The following PLCG2 variants were observed in gnomAD, a reference collection of about 807,000 sequenced individuals.
PLCG2 encodes the protein 1-phosphatidylinositol 4,5-bisphosphate phosphodiesterase gamma-2.
A neutral mutation model predicts 175.6 loss-of-function variants in PLCG2; 69 were observed. That is an observed-to-expected ratio of 0.39 (90% CI 0.32 to 0.48). The LOEUF (loss-of-function observed/expected upper bound fraction) is 0.48. Ranked by LOEUF, PLCG2 falls within the 20% of genes least tolerant of loss-of-function variation. The probability of loss-of-function intolerance (pLI) is 0.91; values close to 1 mark genes in which losing one functional copy is unlikely to be tolerated. For synonymous variants in PLCG2, 827 were observed against 624.0 expected (o/e 1.33, Z -4.85); for missense variants, 1,798 against 1,650.9 (o/e 1.09, Z -1.54).
intron 2 of PLCG2, among the ~76,000 whole-genome samples, chr16:81,824,740 A>T (rs890667419): frequency 6.6e-5 from 10 of 151,990 alleles, no homozygotes; most frequent in Non-Finnish European, 1.5e-4. Context: ...CCATGATGTC[A>T]CCTTTCATTG....
At chr16:81,756,853 C>G (rs1220797533) in intron 2 of PLCG2, among the ~76,000 whole-genome samples, 2 of 152,274 alleles carry the variant, frequency 1.3e-5, no homozygotes, top group South Asian at 2.1e-4. Context: ...GCAGTTTGTT[C>G]CGAGTCTGAT....
At chr16:81,904,215 T>G (rs1051519882) in intron 14 of PLCG2, among the ~76,000 whole-genome samples, 6 of 152,186 alleles carry the variant, frequency 3.9e-5, no homozygotes, top group Non-Finnish European at 8.8e-5. Flanking sequence ...ACACTTATCT[T>G]TCACGTTCTT....
intron 9 of PLCG2, among the ~76,000 whole-genome samples, chr16:81,887,901 A>G (rs2143591276): frequency 6.6e-6 from 1 of 152,306 alleles, no homozygotes; most frequent in South Asian, 2.1e-4. Context: ...AATGTCTAGG[A>G]CTGTGCAGCA....
At chr16:81,826,817 G>A (rs531448474) in intron 2 of PLCG2, among the ~76,000 whole-genome samples, 4 of 152,314 alleles carry the variant, frequency 2.6e-5, no homozygotes, top group Non-Finnish European at 4.4e-5. Flanking sequence ...TGATTTTCTA[G>A]TATGACTCTC....
At chr16:81,938,377 CG>C (rs2143732695) in intron 28 of PLCG2, 1 of 192,206 alleles carries the variant, frequency 5.2e-6, no homozygotes, top group East Asian at 1.3e-4. Context: ...TAAGGGCGGG[CG>C]GGTGGTAGGG....
intron 2 of PLCG2, among the ~76,000 whole-genome samples, chr16:81,803,949 G>C (rs150772465): frequency 0.011 from 1,641 of 152,232 alleles, 15 homozygotes; most frequent in Middle Eastern, 0.034. Context: ...CCAGAGTGCT[G>C]GGATTACAGG....
At chr16:81,752,794 C>G (rs1421463804) in intron 1 of PLCG2, among the ~76,000 whole-genome samples, 2 of 152,236 alleles carry the variant, frequency 1.3e-5, no homozygotes, top group Non-Finnish European at 2.9e-5. Flanking sequence ...AAGCTCCAGC[C>G]TAGCACTGGG....
chr16:81,801,504 G>C (rs4508415), intron 2 of PLCG2, among the ~76,000 whole-genome samples: 42,716 of 151,960 alleles, frequency 0.28, 6,570 homozygotes, highest in East Asian at 0.69. Context: ...CAACAGTACA[G>C]CACGATAGAT....
At chr16:81,852,693 C>T (rs1050354918) in intron 2 of PLCG2, among the ~76,000 whole-genome samples, 8 of 152,146 alleles carry the variant, frequency 5.3e-5, no homozygotes, top group African/African-American at 1.9e-4. Flanking sequence ...CAAACTATCC[C>T]AGTGTTTAGT....
chr16:81,816,182 C>T (rs917196218), intron 2 of PLCG2, among the ~76,000 whole-genome samples: 1 of 152,090 alleles, frequency 6.6e-6, no homozygotes, highest in Non-Finnish European at 1.5e-5. Flanking sequence ...ACCAGCCTGG[C>T]CAATATGGTG....
At position 81,950,217 on chromosome 16, in the gene PLCG2, T is replaced by C. The variant is rs1911312559; in HGVS notation, c.3570+3954T>C. On this transcript the variant is annotated intron_variant, in intron 31 of 32. Coordinates refer to ENST00000564138, the MANE Select transcript of PLCG2 (RefSeq NM_002661.5). ...CCTGCAGTGTTTACAACAAGAGGCC[T>C]AAAGGCAAGGTAAATAAAACAAATA... Among the ~76,000 whole-genome samples the C allele has an allele frequency of 2.0e-5, 3 of 152,262 alleles. No homozygotes were observed. The South Asian group carries it at 6.2e-4, about 32-fold the overall frequency.
intron 2 of PLCG2, among the ~76,000 whole-genome samples, chr16:81,799,954 C>G (rs995448012): frequency 6.6e-6 from 1 of 152,208 alleles, no homozygotes; most frequent in Non-Finnish European, 1.5e-5. Context: ...ACCCCACATA[C>G]TCAAGAGCAA....
chr16:81,922,365 A>G (rs907354400), intron 21 of PLCG2, among the ~76,000 whole-genome samples: 3 of 152,230 alleles, frequency 2.0e-5, no homozygotes. Flanking sequence ...CAAAATGGGC[A>G]TACTCATATA....
chr16:81,806,310 T>C (rs1362180417), intron 2 of PLCG2, among the ~76,000 whole-genome samples: 2 of 152,100 alleles, frequency 1.3e-5, no homozygotes, highest in Non-Finnish European at 2.9e-5. Context: ...GCAGGTACTA[T>C]GATCATCATA....
Position 81,959,011 on chromosome 16 carries a change from C to A in PLCG2, c.*1013C>A, listed in dbSNP as rs1911682979. On this transcript the variant is annotated 3_prime_UTR_variant, in exon 33 of 33. Coordinates refer to ENST00000564138, the MANE Select transcript of PLCG2 (RefSeq NM_002661.5). Reference sequence around the variant, plus strand: ...TCCCTTGGGGCAGATCTACCTAGTTCATGACAGTATGTGCGGCTGGCCAGG... The same window carrying A: ...TCCCTTGGGGCAGATCTACCTAGTTAATGACAGTATGTGCGGCTGGCCAGG... 4.5e-6 allele frequency: 1 copy of A among 223,714 alleles called. No individual in the cohort carries two copies. The highest frequency in any genetic ancestry group is 8.9e-6 in the Non-Finnish European group (1 of 112,130). 13.9% of individuals were successfully genotyped at this position (223,714 alleles called of 1,614,324 possible). A position where few individuals can be genotyped will look rare whatever the true frequency, so the allele number is the denominator to read the frequency against.
At chr16:81,778,287 T>C (rs1197741608), upstream of PLCG2, among the ~76,000 whole-genome samples, 3 of 152,020 alleles carry the variant, frequency 2.0e-5, no homozygotes, top group African/African-American at 7.2e-5. Context: ...GGAGGATCGC[T>C]TGAGTCCCGG....
intron 2 of PLCG2, among the ~76,000 whole-genome samples, chr16:81,848,398 G>A (rs573270381): frequency 5.3e-5 from 8 of 152,176 alleles, no homozygotes; most frequent in African/African-American, 1.9e-4. Flanking sequence ...CCTTTGGAAG[G>A]GGGTGTGCGG....
intron 2 of PLCG2, among the ~76,000 whole-genome samples, chr16:81,797,541 C>G (rs906241961): frequency 6.6e-6 from 1 of 152,246 alleles, no homozygotes; most frequent in African/African-American, 2.4e-5. Flanking sequence ...CCTGTCTGTT[C>G]TGTTCATAAG....
In PLCG2 at chr16:81,951,041, A is replaced by C. The variant is rs116751708; in HGVS notation, c.3570+4778A>C. Among the ~76,000 whole-genome samples, 1,309 of 152,310 alleles carry C rather than the reference A, an allele frequency of 8.6e-3. 22 individuals carry two copies. The highest frequency in any genetic ancestry group is 0.03 in the African/African-American group (1,241 of 41,560). On this transcript the variant is annotated intron_variant, in intron 31 of 32. Transcript: ENST00000564138. ...TTTTTTCTGTCACCCAGCCTGGAAT[A>C]CAGTGGTGTGATCATGGCTCACTGC...
Sources: allele counts gnomAD v4.1 joint callset (sites outside exome capture counted in the v4.1 genomes callset), GRCh38; gene constraint gnomAD v4.1.1; transcripts MANE v1.5; gene names NCBI Gene and HGNC (gene_info 2026-07-23, HGNC 2026-07-21).